TMCO4: variants seen among roughly 807,000 people sequenced by gnomAD.
The protein encoded by TMCO4 is transmembrane and coiled-coil domains 4.
TMCO4 carries 58 observed loss-of-function variants against 64.7 expected under a neutral mutation model. The ratio of observed to expected loss-of-function variants is 0.90; its 90% CI spans 0.73 to 1.12. TMCO4 has a LOEUF of 1.12. Ranked by LOEUF, TMCO4 falls within the 50% of genes most tolerant of loss-of-function variation. TMCO4 has a pLI of 0.00. For synonymous variants in TMCO4, 325 were observed against 346.1 expected, an observed-to-expected ratio of 0.94 and a Z score of 0.68; for missense variants, 780 against 825.9, an observed-to-expected ratio of 0.94 and a Z score of 0.68.
At chr1:19,725,817 C>T (rs761189493) in intron 13 of TMCO4, among the ~76,000 whole-genome samples, 2 of 152,156 alleles carry the variant, frequency 1.3e-5, no homozygotes, top group South Asian at 2.1e-4. Context: ...GTGTGCCAGC[C>T]GATCAAGCCC....
intron 10 of TMCO4, among the ~76,000 whole-genome samples, chr1:19,742,425 C>T (rs748048785): frequency 6.6e-6 from 1 of 152,190 alleles, no homozygotes; most frequent in East Asian, 1.9e-4. Context: ...GAGCATCAAC[C>T]TCAGGCCTCT....
At chr1:19,727,155 T>C (rs2095412366) in intron 13 of TMCO4, among the ~76,000 whole-genome samples, 1 of 152,196 alleles carries the variant, frequency 6.6e-6, no homozygotes, top group African/African-American at 2.4e-5. Context: ...TCTGCCTCTA[T>C]GTCCTGGTGG....
chr1:19,791,972 T>C (rs182452128), intron 2 of TMCO4, among the ~76,000 whole-genome samples: 9 of 152,316 alleles, frequency 5.9e-5, no homozygotes, highest in African/African-American at 7.2e-5. Context: ...TGTGCTATTC[T>C]CGTGAGAGTG....
intron 4 of TMCO4, among the ~76,000 whole-genome samples, chr1:19,780,235 A>G (rs571697233): frequency 2.6e-5 from 4 of 152,322 alleles, no homozygotes; most frequent in East Asian, 3.9e-4. Flanking sequence ...AGATTTCTTC[A>G]TCTACAGATG....
At chr1:19,748,341 G>C (rs1030998782) in intron 7 of TMCO4, among the ~76,000 whole-genome samples, 1 of 152,268 alleles carries the variant, frequency 6.6e-6, no homozygotes, top group Middle Eastern at 3.4e-3. Flanking sequence ...TGGCTTGTAA[G>C]GATTAAATTC....
At position 19,694,552 on chromosome 1, in the gene TMCO4, C is replaced by T; in HGVS notation, c.1383-1G>A. On this transcript the variant is annotated splice_acceptor_variant, in intron 14 of 15. Transcript: ENST00000294543. LOFTEE classifies it high-confidence loss of function. The stretch of plus-strand genomic sequence containing the variant: ...CACGAAACTCAGCAGCCAGTCTCCC[C>T]TGTGGGAGGGTAGAGAAGCATGTGA... 6.2e-7 allele frequency: 1 copy of T among 1,613,728 alleles called. No homozygotes were observed. The highest frequency in any genetic ancestry group is 1.3e-5 in the African/African-American group (1 of 75,064).
At chr1:19,686,252 C>T (rs984937023) in intron 15 of TMCO4, among the ~76,000 whole-genome samples, 6 of 152,144 alleles carry the variant, frequency 3.9e-5, no homozygotes, top group Admixed American at 3.3e-4. Context: ...TGGAGTCTCA[C>T]GTTATACCCA....
chr1:19,705,365 C>T (rs1364135334), intron 13 of TMCO4, among the ~76,000 whole-genome samples: 6 of 151,970 alleles, frequency 3.9e-5, no homozygotes, highest in Admixed American at 1.3e-4. Flanking sequence ...GTAGGGGAAT[C>T]GCTTGAACCC....
chr1:19,748,785 A>T (rs1487491803), intron 7 of TMCO4, among the ~76,000 whole-genome samples: 2 of 152,280 alleles, frequency 1.3e-5, no homozygotes, highest in East Asian at 3.9e-4. Flanking sequence ...AGATCCCACC[A>T]CTGCACTCCA....
At chr1:19,799,596 TCC>T (rs1241914884) in intron 1 of TMCO4, among the ~76,000 whole-genome samples, 1 of 152,092 alleles carries the variant, frequency 6.6e-6, no homozygotes, top group Non-Finnish European at 1.5e-5. Flanking sequence ...CCCCTCTGCC[TCC>T]CCAAGATTTC....
At chr1:19,713,262 A>G (rs372221341) in intron 13 of TMCO4, among the ~76,000 whole-genome samples, 1 of 152,176 alleles carries the variant, frequency 6.6e-6, no homozygotes, top group East Asian at 1.9e-4. Flanking sequence ...GTTTTTTGCC[A>G]TCAGTCTACC....
At chr1:19,751,822 G>C (rs1454064210) in intron 7 of TMCO4, among the ~76,000 whole-genome samples, 14 of 152,196 alleles carry the variant, frequency 9.2e-5, no homozygotes, top group Admixed American at 9.2e-4. Flanking sequence ...GCCAAGGCGG[G>C]TGGATCACGA....
chr1:19,693,896 G>C (rs1883566), intron 15 of TMCO4, among the ~76,000 whole-genome samples: 111,856 of 151,888 alleles, frequency 0.74, 41,998 homozygotes, highest in Non-Finnish European at 0.82. Context: ...AGCCCTGGGT[G>C]GGGGGGACTC....
In TMCO4 at chr1:19,768,748, G is replaced by A. The variant is rs561118205; in HGVS notation, c.382+1794C>T. Among the ~76,000 whole-genome samples the A allele has an allele frequency of 3.3e-5, 5 of 152,282 alleles. No individual in the cohort carries two copies. The South Asian group carries it at 6.2e-4, about 19-fold the overall frequency. On this transcript the variant is annotated intron_variant, in intron 6 of 15. Transcript: ENST00000294543. The stretch of plus-strand genomic sequence containing the variant: ...CAAACACACTCTTTGGAGCCTTAGA[G>A]CAGCGCTCCTCTAAGTAGAAAGCAC...
At chr1:19,774,432 A>G (rs1036240565) in intron 4 of TMCO4, among the ~76,000 whole-genome samples, 2 of 152,224 alleles carry the variant, frequency 1.3e-5, no homozygotes, top group Non-Finnish European at 2.9e-5. Context: ...AGATGATGAA[A>G]GGTATTTCAT....
intron 15 of TMCO4, among the ~76,000 whole-genome samples, chr1:19,687,980 G>T (rs1019678820): frequency 6.6e-6 from 1 of 152,148 alleles, no homozygotes; most frequent in Admixed American, 6.5e-5. Flanking sequence ...GAGAGAAGAG[G>T]GGTGAGGCAG....
At chr1:19,768,277 A>G (rs1009527804) in intron 6 of TMCO4, among the ~76,000 whole-genome samples, 5 of 152,128 alleles carry the variant, frequency 3.3e-5, no homozygotes, top group African/African-American at 1.2e-4. Context: ...TTGCCATTAC[A>G]CTGATTCCAA....
intron 13 of TMCO4, among the ~76,000 whole-genome samples, chr1:19,716,960 G>A (rs1308380225): frequency 6.6e-6 from 1 of 152,190 alleles, no homozygotes; most frequent in East Asian, 1.9e-4. Flanking sequence ...GCCGAGGTGG[G>A]TGGATCACCT....
At chr1:19,787,484 G>A (rs956297100) in intron 2 of TMCO4, among the ~76,000 whole-genome samples, 3 of 152,240 alleles carry the variant, frequency 2.0e-5, no homozygotes, top group Non-Finnish European at 4.4e-5. Context: ...TAACCACAGA[G>A]TGGGCACTCA....
Sources: gnomAD v4.1 joint callset for allele counts (sites outside exome capture counted in the v4.1 genomes callset) on GRCh38, gnomAD v4.1.1 for gene constraint, MANE v1.5 for transcripts, NCBI Gene and HGNC (gene_info 2026-07-23, HGNC 2026-07-21) for gene names.